Variants in HHAT observed in about 807,000 individuals in gnomAD.
HHAT encodes the protein protein-cysteine N-palmitoyltransferase HHAT.
HHAT carries 47 observed loss-of-function variants against 70.8 expected under a neutral mutation model. The observed-to-expected ratio is 0.66, with a 90% confidence interval of 0.53 to 0.85. The LOEUF (loss-of-function observed/expected upper bound fraction) is 0.85, where lower values mean the gene tolerates loss of function less well. HHAT is among the 40% of genes least tolerant of loss of function. The pLI is 0.00. For missense variants in HHAT, 609 were observed against 604.8 expected (o/e 1.01, Z -0.07); for synonymous variants, 228 against 247.6 (o/e 0.92, Z 0.74).
intron 9 of HHAT, among the ~76,000 whole-genome samples, chr1:210,527,345 C>A (rs12132714): frequency 0.21 from 32,536 of 152,138 alleles, 3,835 homozygotes; most frequent in Middle Eastern, 0.31. Context: ...GGATGCATTA[C>A]TCTTGACCAT....
chr1:210,328,813 G>C (rs886886182), upstream of HHAT: 3 of 383,006 alleles, frequency 7.8e-6, no homozygotes, highest in African/African-American at 6.3e-5. Flanking sequence ...CGCAGGCCGC[G>C]CTCTGGCCCG....
Position 210,400,491 on chromosome 1 carries a change from C to G in HHAT, c.297C>G (p.Leu99=), listed in dbSNP as rs200176256. Residue 99 remains leucine (L), a synonymous_variant, in exon 5 of 12, where the codon CTC becomes CTG. Coordinates refer to ENST00000261458, the MANE Select transcript of HHAT (RefSeq NM_018194.6). ...ARKHRPWILM[L]YGMWACWCVL... The stretch of plus-strand genomic sequence containing the variant: ...AGCACAGACCCTGGATTCTCATGCT[C>G]TATGGGATGTGGGCCTGCTGGTGTG... 5.0e-6 allele frequency: 8 copies of G among 1,613,242 alleles called. No individual in the cohort carries two copies. Among genetic ancestry groups the G allele is most frequent in the East Asian group, 4.5e-5 (2 of 44,864 alleles).
chr1:210,645,762 A>G (rs1014021999), intron 11 of HHAT, among the ~76,000 whole-genome samples: 4 of 152,192 alleles, frequency 2.6e-5, no homozygotes, highest in African/African-American at 9.6e-5. Context: ...TCAGTTGCCC[A>G]GGCCTTCCTG....
intron 11 of HHAT, among the ~76,000 whole-genome samples, chr1:210,646,005 C>T (rs1166376496): frequency 2.6e-5 from 4 of 152,172 alleles, no homozygotes; most frequent in African/African-American, 9.7e-5. Context: ...GACCTGCCCT[C>T]CCAGCTCAGC....
intron 9 of HHAT, among the ~76,000 whole-genome samples, chr1:210,552,060 G>C (rs1013566010): frequency 6.6e-6 from 1 of 152,072 alleles, no homozygotes; most frequent in Admixed American, 6.6e-5. Flanking sequence ...CAGTTGCTTC[G>C]TCTCCAGCAT....
intron 7 of HHAT, among the ~76,000 whole-genome samples, chr1:210,449,979 C>T (rs948913967): frequency 2.6e-5 from 4 of 152,066 alleles, no homozygotes; most frequent in East Asian, 1.9e-4. Context: ...TCAAAGTTAG[C>T]GATACGTATT....
intron 11 of HHAT, among the ~76,000 whole-genome samples, chr1:210,652,776 C>T (rs533299444): frequency 6.6e-5 from 10 of 152,206 alleles, no homozygotes; most frequent in African/African-American, 2.4e-4. Flanking sequence ...AGAAGACACT[C>T]AACCTCACTC....
intron 1 of HHAT, among the ~76,000 whole-genome samples, chr1:210,330,375 A>G (rs1002205666): frequency 4.6e-5 from 7 of 152,326 alleles, no homozygotes; most frequent in African/African-American, 1.4e-4. Flanking sequence ...ACTGGGAAAG[A>G]TAAGTGTTGT....
At chr1:210,602,565 G>C (rs1664513843) in intron 10 of HHAT, among the ~76,000 whole-genome samples, 1 of 152,132 alleles carries the variant, frequency 6.6e-6, no homozygotes, top group East Asian at 1.9e-4. Context: ...GGTTAGAGAG[G>C]CCACATGGTT....
intron 10 of HHAT, among the ~76,000 whole-genome samples, chr1:210,604,492 A>G (rs1573660087): frequency 6.6e-6 from 1 of 152,318 alleles, no homozygotes; most frequent in East Asian, 1.9e-4. Context: ...AAATACACAT[A>G]CACAGAAAAG....
intron 9 of HHAT, among the ~76,000 whole-genome samples, chr1:210,529,758 C>T (rs1020806579): frequency 6.6e-6 from 1 of 152,154 alleles, no homozygotes; most frequent in Non-Finnish European, 1.5e-5. Flanking sequence ...GCACCACAGG[C>T]GTCTGCTGTA....
At chr1:210,472,366 CAAGT>C (rs1397627028) in intron 8 of HHAT, among the ~76,000 whole-genome samples, 2 of 152,174 alleles carry the variant, frequency 1.3e-5, no homozygotes, top group East Asian at 1.9e-4. Context: ...GATCACACAG[CAAGT>C]GAGTGGTGGA....
chr1:210,529,766 G>A (rs1283917280), intron 9 of HHAT, among the ~76,000 whole-genome samples: 1 of 152,202 alleles, frequency 6.6e-6, no homozygotes, highest in African/African-American at 2.4e-5. Context: ...GGCGTCTGCT[G>A]TACATGCCAC....
chr1:210,335,638 A>G (rs149011765), intron 1 of HHAT, among the ~76,000 whole-genome samples: 15 of 152,308 alleles, frequency 9.8e-5, no homozygotes, highest in African/African-American at 2.2e-4. Flanking sequence ...TGGTCTTTTG[A>G]TTTATGACAG....
At chr1:210,575,074 G>A (rs1358671191) in intron 9 of HHAT, among the ~76,000 whole-genome samples, 1 of 152,104 alleles carries the variant, frequency 6.6e-6, no homozygotes, top group Non-Finnish European at 1.5e-5. Flanking sequence ...CTGGATTTGG[G>A]ATCTGCTGAT....
intron 9 of HHAT, among the ~76,000 whole-genome samples, chr1:210,529,758 C>A (rs1020806579): frequency 6.6e-6 from 1 of 152,154 alleles, no homozygotes; most frequent in African/African-American, 2.4e-5. Flanking sequence ...GCACCACAGG[C>A]GTCTGCTGTA....
At chr1:210,327,753 G>C (rs1158816191), upstream of HHAT, among the ~76,000 whole-genome samples, 2 of 152,072 alleles carry the variant, frequency 1.3e-5, no homozygotes, top group Admixed American at 1.3e-4. Context: ...TGATCCTCCT[G>C]CTACCGCTCC....
chr1:210,409,756 G>A (rs910610336), intron 6 of HHAT, among the ~76,000 whole-genome samples: 2 of 152,162 alleles, frequency 1.3e-5, no homozygotes, highest in Admixed American at 6.5e-5. Context: ...AATATATTTG[G>A]GAGAAAGAGA....
intron 11 of HHAT, among the ~76,000 whole-genome samples, chr1:210,651,786 C>G (rs1675211791): frequency 6.6e-6 from 1 of 152,226 alleles, no homozygotes; most frequent in Non-Finnish European, 1.5e-5. Context: ...AGGGCCTAGA[C>G]CATCCCAGAG....
Sources: allele counts gnomAD v4.1 joint callset (sites outside exome capture counted in the v4.1 genomes callset), GRCh38; gene constraint gnomAD v4.1.1; transcripts MANE v1.5; gene names NCBI Gene and HGNC (gene_info 2026-07-23, HGNC 2026-07-21).